TMED2: variants seen among roughly 807,000 people sequenced by gnomAD.
TMED2 encodes the protein transmembrane p24 trafficking protein 2.
TMED2 carries 3 observed loss-of-function variants against 17.5 expected under a neutral mutation model. The observed-to-expected ratio is 0.17, with a 90% CI of 0.08 to 0.44. The LOEUF (loss-of-function observed/expected upper bound fraction) is 0.44. Ranked by LOEUF, TMED2 falls within the 20% of genes least tolerant of loss-of-function variation. The pLI, the probability that TMED2 is intolerant of heterozygous loss-of-function variation, is 0.99. For synonymous variants in TMED2, 95 were observed against 91.0 expected (o/e 1.04, Z -0.25); for missense variants, 149 against 254.8 (o/e 0.58, Z 2.83).
chr12:123,593,275 C>T (rs966722131), intron 3 of TMED2, among the ~76,000 whole-genome samples: 15 of 151,458 alleles, frequency 9.9e-5, no homozygotes, highest in African/African-American at 2.4e-4. Context: ...TTTTTTTAGA[C>T]GGAGTCTTGC....
In TMED2 at chr12:123,590,407, G is replaced by T; in HGVS notation, c.439G>T (p.Glu147Ter). 1 of 1,609,504 alleles carries T rather than the reference G, an allele frequency of 6.2e-7. No homozygotes were observed. Among genetic ancestry groups the T allele is most frequent in the South Asian group, 1.1e-5 (1 of 90,890 alleles). Reference sequence around the variant, plus strand: ...AGTGGCGATGACAGCTGTAAAGCACGAACAGGAATACATGGAAGTCCGGGA... The same window carrying T: ...AGTGGCGATGACAGCTGTAAAGCACTAACAGGAATACATGGAAGTCCGGGA... ...LAVAMTAVKH[E>*]QEYMEVRERI... Residue 147 changes from glutamate to a stop codon, truncating the protein, a stop_gained, in exon 3 of 4, where the codon GAA (glutamate) becomes TAA (stop). Coordinates refer to ENST00000262225, the MANE Select transcript of TMED2 (RefSeq NM_006815.4). LOFTEE classifies it high-confidence loss of function.
rs139024217 is a variant in TMED2 at position 123,584,673 on chromosome 12, G to A, written c.37G>A (p.Ala13Thr). 24 of 1,612,378 alleles carry A rather than the reference G, an allele frequency of 1.5e-5. 1 individual carries two copies. The highest frequency in any genetic ancestry group is 1.7e-4 in the Middle Eastern group (1 of 5,828). The change falls in exon 1 of 4, where the codon GCT (alanine) becomes ACT (threonine). Residue 13 changes from alanine to threonine, a missense_variant. Ala to Thr is a moderately conservative substitution (Grantham distance 58). Transcript: ENST00000262225. ...TGCTGAACTGCTGGTGCTTCTGGCCGCTCTCCTGGCCACGGTCTCGGGCTA... is the reference window on the plus strand; with the variant it reads ...TGCTGAACTGCTGGTGCTTCTGGCCACTCTCCTGGCCACGGTCTCGGGCTA... ...TLAELLVLLA[A>T]LLATVSGYFV...
intron 3 of TMED2, among the ~76,000 whole-genome samples, chr12:123,596,369 G>GGCTAA (rs1456532896): frequency 1.3e-5 from 2 of 152,170 alleles, no homozygotes; most frequent in Non-Finnish European, 2.9e-5. Context: ...ACGTAGGCTA[G>GGCTAA]GCTAAGCTAT....
At position 123,584,600 on chromosome 12, in the gene TMED2, C is replaced by G. The variant is rs748890160; in HGVS notation, c.-37C>G. 1 of 1,592,044 alleles carries G rather than the reference C, an allele frequency of 6.3e-7. No individual in the cohort carries two copies. The highest frequency in any genetic ancestry group is 1.1e-5 in the South Asian group (1 of 89,984). On this transcript the variant is annotated 5_prime_UTR_variant, in exon 1 of 4. Transcript: ENST00000262225. Reference sequence around the variant, plus strand: ...GCGGCGGCGGCGGCGGCTGTGGAGGCCGCAGTCCGGGTCCTGGCTTCGGCC... The same window carrying G: ...GCGGCGGCGGCGGCGGCTGTGGAGGGCGCAGTCCGGGTCCTGGCTTCGGCC...
At chr12:123,589,896 G>A (rs1953378788) in intron 2 of TMED2, among the ~76,000 whole-genome samples, 1 of 151,888 alleles carries the variant, frequency 6.6e-6, no homozygotes, top group Non-Finnish European at 1.5e-5. Context: ...TGAGGCAGGG[G>A]ATTGCTTGAG....
At position 123,596,704 on chromosome 12, in the gene TMED2, T is replaced by A. The variant is rs1172542081; in HGVS notation, c.581T>A (p.Phe194Tyr). ...GGACAGATCTACTACCTGAAGAGAT[T>A]TTTTGAAGTCCGGAGAGTTGTTTAA... ...TLGQIYYLKR[F>Y]FEVRRVV Residue 194 changes from phenylalanine to tyrosine, a missense_variant, in exon 4 of 4, where the codon TTT becomes TAT. Physicochemically the swap from Phe to Tyr is conservative, Grantham distance 22. Transcript: ENST00000262225. The A allele has an allele frequency of 6.2e-7, 1 of 1,610,220 alleles. No individual in the cohort carries two copies. The highest frequency in any genetic ancestry group is 8.5e-7 in the Non-Finnish European group (1 of 1,178,616).
At chr12:123,595,656 G>C (rs1002975415) in intron 3 of TMED2, among the ~76,000 whole-genome samples, 1 of 151,990 alleles carries the variant, frequency 6.6e-6, no homozygotes, top group African/African-American at 2.4e-5. Flanking sequence ...GGTTGTATTG[G>C]GTTTTAACCC....
In TMED2 at chr12:123,592,263, G is replaced by A. The variant is rs563463886; in HGVS notation, c.481+1814G>A. Among the ~76,000 whole-genome samples, 7 of 152,240 alleles carry A rather than the reference G, an allele frequency of 4.6e-5. No individual in the cohort carries two copies. The East Asian group carries it at 1.2e-3, about 25-fold the overall frequency. ...ATCTTCACTTTTTCTCTCTTATCTT[G>A]TTGGGACTCATATGTTGTTTACCTT... On this transcript the variant is annotated intron_variant, in intron 3 of 3. Transcript: ENST00000262225.
intron 1 of TMED2, chr12:123,585,067 T>A (rs11610013): frequency 0.13 from 59,568 of 473,472 alleles, 4,437 homozygotes; most frequent in African/African-American, 0.23. Flanking sequence ...GCTTTGGGTT[T>A]TCTCCTTGAA....
intron 3 of TMED2, among the ~76,000 whole-genome samples, chr12:123,591,830 C>G (rs1203648850): frequency 1.3e-5 from 2 of 152,028 alleles, no homozygotes; most frequent in Non-Finnish European, 2.9e-5. Flanking sequence ...CTCTGTAGTC[C>G]CAGCTACTCA....
intron 1 of TMED2, 98 bp downstream of exon 1, chr12:123,584,914 T>A: frequency 6.9e-7 from 1 of 1,451,532 alleles, no homozygotes; most frequent in East Asian, 2.4e-5. Flanking sequence ...GGAGTGGGCT[T>A]GGAAGTCGCT....
rs941342334 is a variant in TMED2, at chr12:123,591,751, C to T, written c.481+1302C>T. ...GAGCTGATATCATGCCATTGCACTC[C>T]GGCCTGGCGACAGAGCGAGACTCTG... On this transcript the variant is annotated intron_variant, in intron 3 of 3. Transcript: ENST00000262225. 9.9e-5 allele frequency among the ~76,000 whole-genome samples: 15 copies of T among 151,430 alleles called. No homozygotes were observed. In the East Asian group the frequency reaches 1.6e-3, roughly 16 times the overall value.
intron 2 of TMED2, among the ~76,000 whole-genome samples, chr12:123,588,165 G>A (rs897882318): frequency 6.6e-6 from 1 of 151,524 alleles, no homozygotes; most frequent in Non-Finnish European, 1.5e-5. Context: ...ATTGCTTACC[G>A]GGAGCCAGCA....
Position 123,586,895 on chromosome 12 carries a change from T to C in TMED2, c.329T>C (p.Ile110Thr), listed in dbSNP as rs376846036. Reference sequence around the variant, plus strand: ...ACTCCAAAAATAGTGATGTTCACCATTGATATTGGGGAGGCTCCAAAAGGA... The same window carrying C: ...ACTCCAAAAATAGTGATGTTCACCACTGATATTGGGGAGGCTCCAAAAGGA... ...TMTPKIVMFTIDIGEAPKGQD... is the reference protein window; with the variant it reads ...TMTPKIVMFTTDIGEAPKGQD... Residue 110 changes from isoleucine (I) to threonine (T), a missense_variant, in exon 2 of 4, where the codon ATT (isoleucine) becomes ACT (threonine). Coordinates refer to ENST00000262225, the MANE Select transcript of TMED2 (RefSeq NM_006815.4). 3 of 1,613,122 alleles carry C rather than the reference T, an allele frequency of 1.9e-6. No homozygotes were observed. Among genetic ancestry groups the C allele is most frequent in the Non-Finnish European group, 2.5e-6 (3 of 1,179,582 alleles).
intron 2 of TMED2, among the ~76,000 whole-genome samples, chr12:123,589,446 C>G (rs1025993885): frequency 6.6e-6 from 1 of 152,148 alleles, no homozygotes; most frequent in African/African-American, 2.4e-5. Context: ...ATTTTGTGCT[C>G]TTAGTCCCCT....
At chr12:123,589,229 C>G (rs1190904805) in intron 2 of TMED2, among the ~76,000 whole-genome samples, 3 of 152,172 alleles carry the variant, frequency 2.0e-5, no homozygotes, top group Non-Finnish European at 4.4e-5. Flanking sequence ...GCCTGCTGTT[C>G]CCCACTATAG....
intron 1 of TMED2, chr12:123,586,051 A>G (rs982677074): frequency 6.6e-6 from 1 of 152,214 alleles, no homozygotes; most frequent in African/African-American, 2.4e-5. Flanking sequence ...CAAGATGTCA[A>G]CCAGGGATGC....
intron 2 of TMED2, among the ~76,000 whole-genome samples, chr12:123,587,873 A>G (rs1283013634): frequency 1.1e-4 from 17 of 152,200 alleles, no homozygotes; most frequent in Admixed American, 1.1e-3. Context: ...TTTAGTAGTA[A>G]CATCTTTGTT....
chr12:123,591,939 A>AGAGT (rs759899626), intron 3 of TMED2, among the ~76,000 whole-genome samples: 2 of 152,250 alleles, frequency 1.3e-5, no homozygotes, highest in Admixed American at 6.5e-5. Context: ...TAGGAAGTGA[A>AGAGT]GAGTGACTCA....
Sources: gnomAD v4.1 joint callset for allele counts (sites outside exome capture counted in the v4.1 genomes callset) on GRCh38, gnomAD v4.1.1 for gene constraint, MANE v1.5 for transcripts, NCBI Gene and HGNC (gene_info 2026-07-23, HGNC 2026-07-21) for gene names.